TMOD2: variants seen among roughly 807,000 people sequenced by gnomAD.
TMOD2 encodes tropomodulin 2, also known as tropomodulin-2.
Under a neutral mutation model 39.9 loss-of-function variants are expected in TMOD2, and 22 were observed. The ratio of observed to expected loss-of-function variants is 0.55; its 90% CI spans 0.39 to 0.79. The LOEUF is 0.79. Ranked by LOEUF, TMOD2 falls within the 30% of genes least tolerant of loss-of-function variation. TMOD2 has a pLI of 0.00. For synonymous variants in TMOD2, 123 were observed against 146.1 expected, an observed-to-expected ratio of 0.84 and a Z score of 1.14; for missense variants, 386 against 413.3, an observed-to-expected ratio of 0.93 and a Z score of 0.57.
chr15:51,771,807 G>A (rs943067888), intron 3 of TMOD2, among the ~76,000 whole-genome samples: 1 of 152,216 alleles, frequency 6.6e-6, no homozygotes, highest in Non-Finnish European at 1.5e-5. Context: ...TTATTGATTA[G>A]TTGATTTCTT....
chr15:51,801,237 TCACACA>T lies in TMOD2; in HGVS notation c.876+2939_876+2944del, dbSNP rs546562505. On this transcript the variant is annotated intron_variant, in intron 8 of 9. Coordinates refer to ENST00000249700, the MANE Select transcript of TMOD2 (RefSeq NM_014548.4). The stretch of plus-strand genomic sequence containing the variant: ...CTCTCCCTCTCTCTCTCTCTCTCTC[TCACACA>T]CACACACACACACACACACACACAC... Among the ~76,000 whole-genome samples, 342 of 102,122 alleles carry T rather than the reference TCACACA, an allele frequency of 3.3e-3. 3 individuals carry two copies. Among genetic ancestry groups the T allele is most frequent in the East Asian group, 0.013 (49 of 3,818 alleles). 67.0% of individuals were successfully genotyped at this position (102,122 alleles called of 152,430 possible).
chr15:51,792,108 A>C (rs753986007), intron 7 of TMOD2, among the ~76,000 whole-genome samples: 1 of 152,240 alleles, frequency 6.6e-6, no homozygotes, highest in Non-Finnish European at 1.5e-5. Flanking sequence ...TTTGCAATCT[A>C]TCCATCTGAC....
chr15:51,751,892 G>A (rs1376677019), intron 1 of TMOD2, among the ~76,000 whole-genome samples, 180 bp downstream of exon 1: 3 of 149,558 alleles, frequency 2.0e-5, no homozygotes, highest in Non-Finnish European at 4.5e-5. Flanking sequence ...CTCCCGGCCC[G>A]GTCGGCTGCG....
At chr15:51,804,836 G>A (rs1029372402) in intron 8 of TMOD2, among the ~76,000 whole-genome samples, 1 of 152,064 alleles carries the variant, frequency 6.6e-6, no homozygotes, top group Non-Finnish European at 1.5e-5. Flanking sequence ...CTTCCAAAGT[G>A]CTGGGATTAC....
At position 51,752,076 on chromosome 15, in the gene TMOD2, C is replaced by A. The variant is rs1021343764; in HGVS notation, c.-70+364C>A. ...TCTTCCACTCCGGGCTTTGTTCCCCCACTTTTCCCCTTCCTGTGCATGTTT... is the reference window on the plus strand; with the variant it reads ...TCTTCCACTCCGGGCTTTGTTCCCCAACTTTTCCCCTTCCTGTGCATGTTT... On this transcript the variant is annotated intron_variant, in intron 1 of 9. Coordinates refer to ENST00000249700, the MANE Select transcript of TMOD2 (RefSeq NM_014548.4). 5.9e-5 allele frequency among the ~76,000 whole-genome samples: 9 copies of A among 152,048 alleles called. No individual in the cohort carries two copies. In the East Asian group the frequency reaches 7.8e-4, roughly 13 times the overall value.
chr15:51,802,586 C>T (rs2056097293), intron 8 of TMOD2, among the ~76,000 whole-genome samples: 1 of 152,200 alleles, frequency 6.6e-6, no homozygotes, highest in African/African-American at 2.4e-5. Flanking sequence ...ACTGCATTAA[C>T]ACTGCAAGTT....
chr15:51,802,219 CA>C (rs542077368), intron 8 of TMOD2, among the ~76,000 whole-genome samples: 4,774 of 149,784 alleles, frequency 0.032, 121 homozygotes, highest in Non-Finnish European at 0.051. Flanking sequence ...TCCTCCCCCT[CA>C]AAAAAAAATA....
At chr15:51,754,473 C>T (rs74015761) in intron 1 of TMOD2, among the ~76,000 whole-genome samples, 11,333 of 152,214 alleles carry the variant, frequency 0.074, 535 homozygotes, top group African/African-American at 0.11. Context: ...TACCAGACCA[C>T]GAAAACAGAA....
intron 8 of TMOD2, among the ~76,000 whole-genome samples, chr15:51,802,662 T>G (rs1234170491): frequency 1.3e-5 from 2 of 152,206 alleles, no homozygotes; most frequent in Admixed American, 6.5e-5. Context: ...TAACCTTAGC[T>G]CAGGGCTCAT....
chr15:51,781,647 A>C (rs2055930508), intron 6 of TMOD2, among the ~76,000 whole-genome samples: 1 of 152,180 alleles, frequency 6.6e-6, no homozygotes, highest in African/African-American at 2.4e-5. Context: ...TCCATTTCTC[A>C]CCATGTGGCT....
At chr15:51,779,854 A>T (rs1276716689) in intron 5 of TMOD2, among the ~76,000 whole-genome samples, 2 of 151,868 alleles carry the variant, frequency 1.3e-5, no homozygotes, top group Non-Finnish European at 2.9e-5. Context: ...CTAATTTTTA[A>T]AATTTATTGT....
At chr15:51,787,424 C>T (rs904854663) in intron 7 of TMOD2, among the ~76,000 whole-genome samples, 3 of 152,264 alleles carry the variant, frequency 2.0e-5, no homozygotes, top group African/African-American at 4.8e-5. Flanking sequence ...GGGGGCAGGG[C>T]ATATCTGAAC....
chr15:51,805,422 A>G (rs930594611), intron 8 of TMOD2, among the ~76,000 whole-genome samples: 1 of 152,192 alleles, frequency 6.6e-6, no homozygotes, highest in Non-Finnish European at 1.5e-5. Flanking sequence ...AAACGTGTAC[A>G]TGGTTCAAAC....
In TMOD2 at chr15:51,798,346, G is replaced by C; in HGVS notation, c.876+6G>C. ...AAATCAAGATTGACAACCAGGTAAG[G>C]AAGGCCAGAGAATAGGCAAAGTCAA... On this transcript the variant is annotated splice_donor_region_variant and intron_variant, in intron 8 of 9. Coordinates refer to ENST00000249700, the MANE Select transcript of TMOD2 (RefSeq NM_014548.4). The C allele has an allele frequency of 6.2e-7, 1 of 1,613,070 alleles. No individual in the cohort carries two copies. Among genetic ancestry groups the C allele is most frequent in the Non-Finnish European group, 8.5e-7 (1 of 1,179,712 alleles).
In TMOD2 at chr15:51,795,569, GCTTGCTTGCTTTCTTTCTTT is replaced by G. The variant is rs1186812410; in HGVS notation, c.733-2624_733-2605del. On this transcript the variant is annotated intron_variant, in intron 7 of 9. Coordinates refer to ENST00000249700, the MANE Select transcript of TMOD2 (RefSeq NM_014548.4). ...TTTGATAACTTCTTCTCTTCTGCTT[GCTTGCTTGCTTTCTTTCTTT>G]CTTTCTTTCTTTCTTTCTTTCTTTC... 9.4e-3 allele frequency among the ~76,000 whole-genome samples: 398 copies of G among 42,418 alleles called. 7 individuals are homozygous for G. The highest frequency in any genetic ancestry group is 0.016 in the African/African-American group (170 of 10,332). The allele number at this position is 42,418 out of a possible 152,430, so 27.8% of individuals were successfully genotyped here. A position where few individuals can be genotyped will look rare whatever the true frequency, so the allele number is the denominator to read the frequency against.
chr15:51,781,574 T>G (rs2055929829), intron 6 of TMOD2, among the ~76,000 whole-genome samples: 1 of 152,212 alleles, frequency 6.6e-6, no homozygotes, highest in South Asian at 2.1e-4. Flanking sequence ...AGTACCAGGC[T>G]TGCCTGGGGC....
chr15:51,814,383 G>C lies in TMOD2; in HGVS notation c.*5929G>C, dbSNP rs1299126230. 2.6e-5 allele frequency: 4 copies of C among 152,250 alleles called. No individual in the cohort carries two copies. Among genetic ancestry groups the C allele is most frequent in the Admixed American group, 2.0e-4 (3 of 15,284 alleles). 9.4% of individuals were successfully genotyped at this position (152,250 alleles called of 1,614,324 possible). ...ACCTCTCCAGGGCAGCAGCTGCCTT[G>C]TTATCACCAGCAACCTTAGCCCTGG... is the stretch of plus-strand genomic sequence containing the variant. On this transcript the variant is annotated 3_prime_UTR_variant, in exon 10 of 10. Transcript: ENST00000249700.
At chr15:51,770,584 C>T (rs1322868160) in intron 3 of TMOD2, among the ~76,000 whole-genome samples, 3 of 152,158 alleles carry the variant, frequency 2.0e-5, no homozygotes, top group East Asian at 3.9e-4. Context: ...CACATAATGC[C>T]GAGGCTGCCC....
intron 7 of TMOD2, among the ~76,000 whole-genome samples, chr15:51,795,990 T>C (rs2141637614): frequency 6.7e-6 from 1 of 148,890 alleles, no homozygotes; most frequent in East Asian, 2.0e-4. Context: ...AATTTTTAAA[T>C]TTGTGTCTGT....
Sources: allele counts gnomAD v4.1 joint callset (sites outside exome capture counted in the v4.1 genomes callset), GRCh38; gene constraint gnomAD v4.1.1; transcripts MANE v1.5; gene names NCBI Gene and HGNC (gene_info 2026-07-23, HGNC 2026-07-21).